The following CTNND2 variants were observed in gnomAD, a reference collection of about 807,000 sequenced individuals.
CTNND2 encodes the protein catenin delta-2.
Under a neutral mutation model 144.4 loss-of-function variants are expected in CTNND2, and 22 were observed. The observed-to-expected ratio is 0.15, with a 90% confidence interval of 0.11 to 0.22. CTNND2 has a LOEUF of 0.22. Among genes scored for constraint, CTNND2 ranks in the 10% least tolerant of loss-of-function variants. CTNND2 has a pLI of 1.00. For synonymous variants in CTNND2, 751 were observed against 695.6 expected (o/e 1.08, Z -1.25); for missense variants, 1,353 against 1,618.8 (o/e 0.84, Z 2.82).
intron 2 of CTNND2, among the ~76,000 whole-genome samples, chr5:11,710,555 A>T (rs77073829): frequency 6.6e-6 from 1 of 151,932 alleles, no homozygotes; most frequent in Non-Finnish European, 1.5e-5. Flanking sequence ...AAAAAAAAAA[A>T]AAGACAGAAA....
intron 11 of CTNND2, among the ~76,000 whole-genome samples, chr5:11,186,469 A>C (rs1277499854): frequency 6.6e-6 from 1 of 152,254 alleles, no homozygotes; most frequent in Non-Finnish European, 1.5e-5. Flanking sequence ...AGCACACTGT[A>C]ATATGAGGTA....
intron 9 of CTNND2, among the ~76,000 whole-genome samples, chr5:11,270,694 T>A (rs573628802): frequency 1.7e-4 from 26 of 152,324 alleles, no homozygotes; most frequent in Admixed American, 7.8e-4. Context: ...TGTTCAGCAT[T>A]ATACTTCTAG....
At chr5:11,400,183 G>A (rs1043489844) in intron 5 of CTNND2, among the ~76,000 whole-genome samples, 6 of 152,086 alleles carry the variant, frequency 3.9e-5, no homozygotes, top group African/African-American at 1.4e-4. Context: ...GGTAAAACGA[G>A]GCTGTGGTCC....
At chr5:11,131,834 C>T (rs1166965821) in intron 12 of CTNND2, among the ~76,000 whole-genome samples, 1 of 152,112 alleles carries the variant, frequency 6.6e-6, no homozygotes, top group Non-Finnish European at 1.5e-5. Flanking sequence ...AATTCATCCC[C>T]TAATTCCACA....
intron 15 of CTNND2, among the ~76,000 whole-genome samples, chr5:11,086,282 A>G (rs953935304): frequency 3.9e-5 from 6 of 152,068 alleles, no homozygotes; most frequent in African/African-American, 1.5e-4. Context: ...AGATGGTCCA[A>G]TCACCAATCA....
At chr5:11,373,588 C>T (rs1757652166) in intron 7 of CTNND2, among the ~76,000 whole-genome samples, 1 of 152,154 alleles carries the variant, frequency 6.6e-6, no homozygotes, top group African/African-American at 2.4e-5. Context: ...GCTGTGGCTG[C>T]ATTCCAGACC....
rs1409996859 is a variant in CTNND2 at position 10,994,284 on chromosome 5, G to A, written c.3085-1607C>T. 3.4e-3 allele frequency among the ~76,000 whole-genome samples: 225 copies of A among 66,296 alleles called. 1 individual carries two copies. Among genetic ancestry groups the A allele is most frequent in the Non-Finnish European group, 5.6e-3 (189 of 33,550 alleles). The allele number at this position is 66,296 out of a possible 152,430, so 43.5% of individuals were successfully genotyped here. A position where few individuals can be genotyped will look rare whatever the true frequency, so the allele number is the denominator to read the frequency against. ...GGGGAGATGGAGGAGCTGGGACGGG[G>A]ATGGAGGAGCGGGGGCGGGGACGGA... On this transcript the variant is annotated intron_variant, in intron 18 of 21. Coordinates refer to ENST00000304623, the MANE Select transcript of CTNND2 (RefSeq NM_001332.4).
At chr5:11,145,069 G>A (rs1001181669) in intron 12 of CTNND2, among the ~76,000 whole-genome samples, 2 of 151,956 alleles carry the variant, frequency 1.3e-5, no homozygotes, top group Non-Finnish European at 2.9e-5. Context: ...CTGTCACCTC[G>A]GTGCAACATT....
chr5:10,973,478 G>A lies in CTNND2; in HGVS notation c.3653C>T (p.Pro1218Leu), dbSNP rs1415623327. ...SELNYETSHY[P>L]ASPDSWV ...TCACACCCAGGAGTCGGGGGAGGCC[G>A]GGTAGTGGCTCGTTTCATAGTTCAG... The change falls in exon 22 of 22, where the codon CCG becomes CTG. Residue 1218 changes from proline (P) to leucine (L), a missense_variant. Transcript: ENST00000304623. The surrounding 1 kb of genome is among the most constrained non-coding windows in gnomAD (Gnocchi z 5.6). 14 of 1,602,702 alleles carry A rather than the reference G, an allele frequency of 8.7e-6. No individual in the cohort carries two copies. Among genetic ancestry groups the A allele is most frequent in the South Asian group, 1.1e-5 (1 of 89,656 alleles).
intron 3 of CTNND2, among the ~76,000 whole-genome samples, chr5:11,512,171 C>T (rs1208910560): frequency 6.6e-6 from 1 of 152,178 alleles, no homozygotes; most frequent in Non-Finnish European, 1.5e-5. Context: ...ACAGTGTTTG[C>T]TTTAATGCTC....
At chr5:11,581,083 G>A (rs1347583746) in intron 2 of CTNND2, among the ~76,000 whole-genome samples, 2 of 151,990 alleles carry the variant, frequency 1.3e-5, no homozygotes, top group African/African-American at 4.8e-5. Context: ...ATAACTTAAG[G>A]TTACAGTAGC....
chr5:10,994,353 G>A (rs1287254351), intron 18 of CTNND2, among the ~76,000 whole-genome samples: 4 of 35,370 alleles, frequency 1.1e-4, no homozygotes, highest in South Asian at 1.7e-3. Flanking sequence ...GGAAGGAGGA[G>A]GGGGGCGGGG....
At chr5:11,398,172 G>A (rs1039773597) in intron 5 of CTNND2, among the ~76,000 whole-genome samples, 2 of 152,058 alleles carry the variant, frequency 1.3e-5, no homozygotes, top group Admixed American at 6.6e-5. Flanking sequence ...TCATATATTC[G>A]ATGGAGTGTA....
intron 5 of CTNND2, among the ~76,000 whole-genome samples, chr5:11,408,961 C>T (rs528811977): frequency 5.3e-5 from 8 of 151,946 alleles, no homozygotes; most frequent in East Asian, 1.9e-4. Flanking sequence ...TTACTATTAT[C>T]GTATGCATCT....
intron 9 of CTNND2, among the ~76,000 whole-genome samples, chr5:11,259,444 T>C (rs2091539830): frequency 6.6e-6 from 1 of 152,178 alleles, no homozygotes; most frequent in Non-Finnish European, 1.5e-5. Flanking sequence ...GATTGTGCCA[T>C]CCTGGACATC....
chr5:11,724,611 T>G (rs1017361392), intron 2 of CTNND2, among the ~76,000 whole-genome samples: 1 of 152,230 alleles, frequency 6.6e-6, no homozygotes, highest in Admixed American at 6.5e-5. Flanking sequence ...CAGTGGTATT[T>G]CAAAAGTTCT....
At chr5:11,634,397 C>A (rs1159737269) in intron 2 of CTNND2, among the ~76,000 whole-genome samples, 1 of 152,038 alleles carries the variant, frequency 6.6e-6, no homozygotes, top group East Asian at 1.9e-4. Flanking sequence ...AGAAAAATAC[C>A]TTCTGCTCCA....
chr5:11,432,263 A>G (rs1258732477), intron 3 of CTNND2, among the ~76,000 whole-genome samples: 1 of 147,328 alleles, frequency 6.8e-6, no homozygotes, highest in African/African-American at 2.7e-5. Context: ...TAAATTGGCC[A>G]TATGAGGACA....
chr5:11,017,562 A>ACATATATATATATATCTTTC (rs1217675184), intron 18 of CTNND2, among the ~76,000 whole-genome samples: 2 of 142,890 alleles, frequency 1.4e-5, no homozygotes, highest in African/African-American at 5.1e-5. Context: ...AGATATATAT[A>ACATATATATATATATCTTTC]CATATATATA....
Sources: allele counts gnomAD v4.1 joint callset (sites outside exome capture counted in the v4.1 genomes callset), GRCh38; gene constraint gnomAD v4.1.1; non-coding constraint Gnocchi (gnomAD v3.1); transcripts MANE v1.5; gene names NCBI Gene and HGNC (gene_info 2026-07-23, HGNC 2026-07-21).